The following NRP1 variants were observed in gnomAD, a reference collection of about 807,000 sequenced individuals.
The protein encoded by NRP1 is neuropilin-1.
Under a neutral mutation model 106.7 loss-of-function variants are expected in NRP1, and 35 were observed. The observed-to-expected ratio is 0.33, with a 90% CI of 0.25 to 0.43. NRP1 has a LOEUF of 0.43. NRP1 is among the 20% of genes least tolerant of loss of function. NRP1 has a pLI of 1.00. For missense variants in NRP1, 1,024 were observed against 1,170.4 expected (o/e 0.87, Z 1.83); for synonymous variants, 437 against 417.9 (o/e 1.05, Z -0.56).
chr10:33,224,145 T>G (rs1484837381), intron 7 of NRP1, among the ~76,000 whole-genome samples: 1 of 152,150 alleles, frequency 6.6e-6, no homozygotes, highest in Non-Finnish European at 1.5e-5. Flanking sequence ...CTGGTTTCAT[T>G]AGATTCTGAT....
At chr10:33,289,318 G>A (rs562997379) in intron 2 of NRP1, among the ~76,000 whole-genome samples, 15 of 152,090 alleles carry the variant, frequency 9.9e-5, no homozygotes, top group Non-Finnish European at 1.6e-4. Flanking sequence ...AATACTTAGG[G>A]GGCTTAGTCT....
rs1180398556 is a variant in NRP1 at position 33,334,405 on chromosome 10, G to A, written c.-23C>T. 1.9e-6 allele frequency: 3 copies of A among 1,540,350 alleles called. No individual in the cohort carries two copies. The highest frequency in any genetic ancestry group is 2.6e-6 in the Non-Finnish European group (3 of 1,144,816). On this transcript the variant is annotated 5_prime_UTR_variant, in exon 1 of 17. Coordinates refer to ENST00000374867, the MANE Select transcript of NRP1 (RefSeq NM_003873.7). ...CATTCTCCCTTCTCCGGGTCCGCAG[G>A]CAGACGCGGGAGAACGAGGACGTGG... is the stretch of plus-strand genomic sequence containing the variant.
At chr10:33,264,958 A>C (rs969753664) in intron 3 of NRP1, among the ~76,000 whole-genome samples, 1 of 152,008 alleles carries the variant, frequency 6.6e-6, no homozygotes, top group Non-Finnish European at 1.5e-5. Flanking sequence ...AAAAATAGAA[A>C]AATTAGCTGG....
intron 8 of NRP1, 33 bp downstream of exon 8, chr10:33,221,686 G>C (rs4934837): frequency 6.3e-7 from 1 of 1,591,516 alleles, no homozygotes; most frequent in Non-Finnish European, 8.6e-7. Context: ...TCTTCGACTT[G>C]GAAGATTCAG....
intron 6 of NRP1, among the ~76,000 whole-genome samples, chr10:33,234,339 G>A (rs989249200): frequency 6.6e-6 from 1 of 152,088 alleles, no homozygotes; most frequent in African/African-American, 2.4e-5. Context: ...AAGACTGGTG[G>A]CCCGTGTATG....
chr10:33,188,163 T>TA (rs1411733564), intron 13 of NRP1, among the ~76,000 whole-genome samples: 1 of 151,966 alleles, frequency 6.6e-6, no homozygotes, highest in Non-Finnish European at 1.5e-5. Context: ...GGGAAAAAAA[T>TA]ACACCCATCG....
chr10:33,315,520 T>C (rs1195305239), intron 2 of NRP1, among the ~76,000 whole-genome samples: 1 of 152,166 alleles, frequency 6.6e-6, no homozygotes, highest in African/African-American at 2.4e-5. Flanking sequence ...GCCAATTCAA[T>C]TTGGCAAATA....
chr10:33,260,735 A>G (rs1272836300), intron 4 of NRP1, among the ~76,000 whole-genome samples: 1 of 152,182 alleles, frequency 6.6e-6, no homozygotes, highest in Non-Finnish European at 1.5e-5. Context: ...GCATGCCTTG[A>G]ATTTTGAGTT....
rs1229299765 is a variant in NRP1, at chr10:33,250,275, GA to G, written c.981+3752del. On this transcript the variant is annotated intron_variant, in intron 6 of 16. Transcript: ENST00000374867. ...AGCCAACCACTTCCAAGGAGTTTCA[GA>G]AAAGCTGGAAACACATGAAATTATT... Among the ~76,000 whole-genome samples the G allele has an allele frequency of 7.9e-4, 120 of 152,276 alleles. 2 individuals carry two copies. The highest frequency in any genetic ancestry group is 5.4e-3 in the Admixed American group (82 of 15,300).
At chr10:33,286,779 C>T (rs117766882) in intron 2 of NRP1, among the ~76,000 whole-genome samples, 1,944 of 152,178 alleles carry the variant, frequency 0.013, 122 homozygotes, top group Admixed American at 0.11. Context: ...TGTTTAGTTG[C>T]TATGCTGAAT....
chr10:33,261,687 A>T (rs1842584381), intron 4 of NRP1, among the ~76,000 whole-genome samples: 1 of 152,172 alleles, frequency 6.6e-6, no homozygotes, highest in Non-Finnish European at 1.5e-5. Context: ...AAATTGAATC[A>T]CACTAATAAT....
chr10:33,236,603 G>A (rs1840575447), intron 6 of NRP1, among the ~76,000 whole-genome samples: 1 of 152,192 alleles, frequency 6.6e-6, no homozygotes, highest in Admixed American at 6.5e-5. Context: ...TACAGCTCTA[G>A]ATACCCTGTA....
intron 2 of NRP1, among the ~76,000 whole-genome samples, chr10:33,330,346 G>A (rs944049663): frequency 3.3e-4 from 49 of 150,190 alleles, no homozygotes; most frequent in South Asian, 6.3e-4. Context: ...ACTGTATTTC[G>A]TAAAAATACA....
At chr10:33,331,614 A>G (rs1418846698) in intron 1 of NRP1, among the ~76,000 whole-genome samples, 1 of 152,228 alleles carries the variant, frequency 6.6e-6, no homozygotes, top group Non-Finnish European at 1.5e-5. Context: ...GTGAAAAATA[A>G]CCCACCACAC....
intron 2 of NRP1, among the ~76,000 whole-genome samples, chr10:33,272,390 A>G (rs1008271282): frequency 2.6e-5 from 4 of 152,122 alleles, no homozygotes; most frequent in Middle Eastern, 3.2e-3. Context: ...GCCTGCTAAC[A>G]CCACCGTCCC....
chr10:33,220,900 CAAAAAAA>C (rs35895871), intron 8 of NRP1, among the ~76,000 whole-genome samples: 3 of 60,680 alleles, frequency 4.9e-5, no homozygotes, highest in East Asian at 4.6e-4. Context: ...GGCTCAGTCT[CAAAAAAA>C]AAAAAAAAAA....
intron 2 of NRP1, among the ~76,000 whole-genome samples, chr10:33,324,920 C>G (rs79292594): frequency 6.6e-6 from 1 of 152,138 alleles, no homozygotes; most frequent in South Asian, 2.1e-4. Context: ...AGTGAGCCAC[C>G]GTGCCTGGCC....
At chr10:33,199,383 ATATATATTTTTTTTTTTT>A (rs1837076257) in intron 11 of NRP1, among the ~76,000 whole-genome samples, 1 of 59,946 alleles carries the variant, frequency 1.7e-5, no homozygotes, top group Non-Finnish European at 3.0e-5. Flanking sequence ...ATATATATAT[ATATATATTTTTTTTTTTT>A]TTTTTTTTTT....
At chr10:33,233,602 T>C (rs1034308954) in intron 6 of NRP1, among the ~76,000 whole-genome samples, 2 of 152,198 alleles carry the variant, frequency 1.3e-5, no homozygotes, top group African/African-American at 4.8e-5. Context: ...ATTTCTAAAA[T>C]GAAAATCTGT....
Sources: allele counts gnomAD v4.1 joint callset (sites outside exome capture counted in the v4.1 genomes callset), GRCh38; gene constraint gnomAD v4.1.1; transcripts MANE v1.5; gene names NCBI Gene and HGNC (gene_info 2026-07-23, HGNC 2026-07-21).